ACSM3: variants seen among roughly 807,000 people sequenced by gnomAD.
ACSM3 encodes the protein acyl-CoA synthetase medium chain family member 3.
In ACSM3, 61 loss-of-function variants were observed where a neutral mutation model predicts 74.1. The observed-to-expected ratio is 0.82, with a 90% CI of 0.67 to 1.02. The LOEUF (loss-of-function observed/expected upper bound fraction) is 1.02. Ranked by LOEUF, ACSM3 falls within the 50% of genes least tolerant of loss-of-function variation. The pLI is 0.00. For synonymous variants in ACSM3, 213 were observed against 241.5 expected, an observed-to-expected ratio of 0.88 and a Z score of 1.09; for missense variants, 660 against 697.0, an observed-to-expected ratio of 0.95 and a Z score of 0.60.
chr16:20,735,376 GT>G (rs36117629), intron 1 of ACSM3: 77,169 of 143,978 alleles, frequency 0.54, 21,231 homozygotes, highest in Non-Finnish European at 0.63. Flanking sequence ...TGTTTTGGGT[GT>G]TTTTTTTTTT....
rs149720689 is a variant in ACSM3, at chr16:20,772,716, A to G, written c.219+2463A>G. The stretch of plus-strand genomic sequence containing the variant: ...GTTATCTATTCTGTTTCATTGGTCT[A>G]TGCATCTGTTTTTATGCCAATACCA... On this transcript the variant is annotated intron_variant, in intron 2 of 13. Coordinates refer to ENST00000289416, the MANE Select transcript of ACSM3 (RefSeq NM_005622.4). Among the ~76,000 whole-genome samples the G allele has an allele frequency of 4.5e-3, 691 of 152,260 alleles. 6 individuals carry two copies. The highest frequency in any genetic ancestry group is 0.015 in the African/African-American group (640 of 41,544).
At chr16:20,766,389 C>T (rs569334611) in intron 1 of ACSM3, among the ~76,000 whole-genome samples, 2 of 151,202 alleles carry the variant, frequency 1.3e-5, no homozygotes, top group South Asian at 4.2e-4. Context: ...TGTGGTGGCT[C>T]CCACCTGTAA....
At chr16:20,749,781 A>C (rs2079975698) in intron 1 of ACSM3, 1 of 152,366 alleles carries the variant, frequency 6.6e-6, no homozygotes, top group Admixed American at 6.5e-5. Flanking sequence ...GATGAAAGTC[A>C]CACCCAGCAT....
At chr16:20,741,048 T>G (rs1405453903) in intron 1 of ACSM3, among the ~76,000 whole-genome samples, 2 of 152,082 alleles carry the variant, frequency 1.3e-5, no homozygotes, top group Non-Finnish European at 2.9e-5. Flanking sequence ...GAGGATCGCT[T>G]GAGTGTAGGG....
intron 7 of ACSM3, among the ~76,000 whole-genome samples, chr16:20,782,776 TCA>T (rs907661228): frequency 3.3e-5 from 5 of 152,332 alleles, no homozygotes; most frequent in Admixed American, 6.5e-5. Context: ...CTATGATGGC[TCA>T]CAGAGTGCAA....
intron 1 of ACSM3, among the ~76,000 whole-genome samples, chr16:20,718,010 AG>A (rs1378118497): frequency 3.4e-5 from 5 of 148,656 alleles, no homozygotes; most frequent in African/African-American, 7.5e-5. Flanking sequence ...AAGAAGAAGA[AG>A]AAGAAGAAGA....
chr16:20,702,190 C>T (rs945882293), intron 1 of ACSM3, among the ~76,000 whole-genome samples: 1 of 152,192 alleles, frequency 6.6e-6, no homozygotes, highest in African/African-American at 2.4e-5. Flanking sequence ...TTCTCCACAG[C>T]TTTGCCAGCA....
At chr16:20,791,458 T>A (rs1354185861) in intron 10 of ACSM3, among the ~76,000 whole-genome samples, 1 of 152,256 alleles carries the variant, frequency 6.6e-6, no homozygotes, top group Admixed American at 6.5e-5. Context: ...TTTTGTAATC[T>A]ATCTAAGAAA....
chr16:20,780,898 C>T (rs2080338141), intron 5 of ACSM3, 41 bp downstream of exon 5: 1 of 1,613,526 alleles, frequency 6.2e-7, no homozygotes, highest in African/African-American at 1.3e-5. Flanking sequence ...GTCAAAACTG[C>T]AAAGATGATG....
upstream of ACSM3, among the ~76,000 whole-genome samples, chr16:20,760,604 G>A (rs538564460): frequency 1.7e-4 from 26 of 152,220 alleles, no homozygotes; most frequent in South Asian, 5.0e-3. Context: ...GGAACTCACT[G>A]AGCCTGTAAT....
At chr16:20,717,956 G>GGAAGAGGAAGAGGAA (rs1190590436) in intron 1 of ACSM3, among the ~76,000 whole-genome samples, 218 of 74,366 alleles carry the variant, frequency 2.9e-3, no homozygotes, top group Non-Finnish European at 4.8e-3. Flanking sequence ...AAGAGGAAGA[G>GGAAGAGGAAGAGGAA]GAAGAAGAAG....
At chr16:20,741,756 G>C (rs1239828391) in intron 1 of ACSM3, 3 of 1,557,876 alleles carry the variant, frequency 1.9e-6, no homozygotes, top group African/African-American at 2.7e-5. Flanking sequence ...CGCAAACTGA[G>C]AGGAAAGAGA....
chr16:20,780,774 C>T lies in ACSM3; in HGVS notation c.699C>T (p.Phe233=). 6.2e-7 allele frequency: 1 copy of T among 1,614,212 alleles called. No homozygotes were observed. The highest frequency in any genetic ancestry group is 8.5e-7 in the Non-Finnish European group (1 of 1,180,036). The change falls in exon 5 of 14, where the codon TTC becomes TTT. Residue 233 remains phenylalanine, a synonymous_variant. Coordinates refer to ENST00000289416, the MANE Select transcript of ACSM3 (RefSeq NM_005622.4). ...AACACAATGAGATCATGGCCATATT[C>T]TTTACCAGTGGAACAAGTGGATATC... is the stretch of plus-strand genomic sequence containing the variant. ...KTKHNEIMAI[F]FTSGTSGYPK...
intron 1 of ACSM3, chr16:20,732,838 C>G (rs2079838932): frequency 6.5e-6 from 1 of 154,208 alleles, no homozygotes; most frequent in Non-Finnish European, 1.5e-5. Context: ...TTCATGCAAG[C>G]TCTCTCCTAT....
intron 7 of ACSM3, among the ~76,000 whole-genome samples, chr16:20,782,025 C>A (rs1359023352): frequency 6.6e-6 from 1 of 152,028 alleles, no homozygotes; most frequent in Non-Finnish European, 1.5e-5. Context: ...AGCTCTAAGC[C>A]CAGTGGTTAT....
rs1317740799 is a variant in ACSM3 at position 20,781,269 on chromosome 16, C to A, written c.939+139C>A. 12 of 1,109,004 alleles carry A rather than the reference C, an allele frequency of 1.1e-5. No homozygotes were observed. The East Asian group carries it at 2.3e-4, about 21-fold the overall frequency. The allele number at this position is 1,109,004 out of a possible 1,614,324, so 68.7% of individuals were successfully genotyped here. On this transcript the variant is annotated intron_variant, in intron 6 of 13. Transcript: ENST00000289416. ...ATGTCACATCCAGAAAGTCAATAAG[C>A]CTGAAAAGATACACTCGGCCCCCTC... is the stretch of plus-strand genomic sequence containing the variant.
At chr16:20,775,665 C>T (rs1019786115) in intron 2 of ACSM3, among the ~76,000 whole-genome samples, 174 bp from the exon 3 acceptor site, 1 of 152,180 alleles carries the variant, frequency 6.6e-6, no homozygotes, top group Non-Finnish European at 1.5e-5. Context: ...TACTGGGCAT[C>T]TCTAGTCATC....
chr16:20,687,183 T>C (rs2079569441), intron 1 of ACSM3, among the ~76,000 whole-genome samples: 2 of 151,996 alleles, frequency 1.3e-5, no homozygotes, highest in Non-Finnish European at 2.9e-5. Flanking sequence ...ATAGAAACCA[T>C]GGCATAATTT....
chr16:20,682,210 A>T, intron 1 of ACSM3: 1 of 1,583,832 alleles, frequency 6.3e-7, no homozygotes, highest in South Asian at 1.1e-5. Flanking sequence ...AAATTATCCC[A>T]CAACAACTGT....
Sources: gnomAD v4.1 joint callset for allele counts (sites outside exome capture counted in the v4.1 genomes callset) on GRCh38, gnomAD v4.1.1 for gene constraint, MANE v1.5 for transcripts, NCBI Gene and HGNC (gene_info 2026-07-23, HGNC 2026-07-21) for gene names.